Variants in SNAP29 observed in about 807,000 individuals in gnomAD.
SNAP29 encodes the protein synaptosome associated protein 29.
SNAP29 carries 13 observed loss-of-function variants against 27.9 expected under a neutral mutation model. The observed-to-expected ratio is 0.47, with a 90% CI of 0.30 to 0.74. SNAP29 has a LOEUF of 0.74. Ranked by LOEUF, SNAP29 falls within the 30% of genes least tolerant of loss-of-function variation. SNAP29 has a pLI of 0.06. For missense variants in SNAP29, 368 were observed against 336.5 expected (o/e 1.09, Z -0.73); for synonymous variants, 119 against 127.1 (o/e 0.94, Z 0.43).
chr22:20,884,196 G>A (rs1928958827), intron 4 of SNAP29, among the ~76,000 whole-genome samples: 1 of 152,044 alleles, frequency 6.6e-6, no homozygotes, highest in African/African-American at 2.4e-5. Flanking sequence ...AGCCGGGCGT[G>A]GTGGCAGGCG....
chr22:20,870,272 G>A, intron 1 of SNAP29, 65 bp from the exon 2 acceptor site: 1 of 1,478,350 alleles, frequency 6.8e-7, no homozygotes, highest in Non-Finnish European at 9.4e-7. Context: ...GCTCCATGTG[G>A]TCCTTGACTG....
chr22:20,859,317 G>C lies in SNAP29; in HGVS notation c.207G>C (p.Glu69Asp). 1 of 1,613,456 alleles carries C rather than the reference G, an allele frequency of 6.2e-7. No individual in the cohort carries two copies. Residue 69 changes from glutamate (E) to aspartate (D), a missense_variant, in exon 1 of 5, where the codon GAG becomes GAC. By Grantham distance (45) the Glu-to-Asp change is conservative. Transcript: ENST00000215730. ...GCAGGTCCCTGGCCCTCATGTACGA[G>C]TCCGAGAAGGTTGGGGTCGCCTCTT... Reference protein sequence around the residue: ...STSRSLALMYESEKVGVASSE... With the variant: ...STSRSLALMYDSEKVGVASSE...
At chr22:20,882,430 G>C (rs774718644) in intron 3 of SNAP29, among the ~76,000 whole-genome samples, 1 of 152,048 alleles carries the variant, frequency 6.6e-6, no homozygotes, top group Non-Finnish European at 1.5e-5. Context: ...CAATAGCCAG[G>C]TACATTGAAA....
rs753764201 is a variant in SNAP29 at position 20,859,097 on chromosome 22, G to C, written c.-14G>C. ...CCTCCTTCTGTTTCCCAGACCGAGA[G>C]CCGCGCCGGCACCATGTCAGCTTAC... is the stretch of plus-strand genomic sequence containing the variant. On this transcript the variant is annotated 5_prime_UTR_variant, in exon 1 of 5. Transcript: ENST00000215730. The C allele has an allele frequency of 6.3e-7, 1 of 1,588,250 alleles. No individual in the cohort carries two copies. Among genetic ancestry groups the C allele is most frequent in the Non-Finnish European group, 8.6e-7 (1 of 1,161,884 alleles).
chr22:20,874,368 C>CG (rs1928685887), intron 2 of SNAP29, among the ~76,000 whole-genome samples: 1 of 125,530 alleles, frequency 8.0e-6, no homozygotes, highest in African/African-American at 3.0e-5. Context: ...CACACACACA[C>CG]ACACACACAC....
chr22:20,881,550 C>CA (rs5844444), intron 3 of SNAP29, among the ~76,000 whole-genome samples: 9,700 of 152,166 alleles, frequency 0.064, 319 homozygotes, highest in East Asian at 0.079. Context: ...CTACTAAATA[C>CA]AAAAAAATTA....
intron 2 of SNAP29, among the ~76,000 whole-genome samples, chr22:20,873,055 C>T (rs1928636507): frequency 6.6e-6 from 1 of 151,874 alleles, no homozygotes; most frequent in South Asian, 2.1e-4. Flanking sequence ...GTCTCGAACT[C>T]TTGATCTCAG....
chr22:20,879,605 G>A (rs1266369313), intron 2 of SNAP29, among the ~76,000 whole-genome samples: 1 of 151,944 alleles, frequency 6.6e-6, no homozygotes, highest in Admixed American at 6.6e-5. Flanking sequence ...CAGAACTTTG[G>A]GAGGCTAAGG....
intron 1 of SNAP29, among the ~76,000 whole-genome samples, chr22:20,865,713 T>A (rs766375629): frequency 5.9e-5 from 9 of 152,198 alleles, no homozygotes; most frequent in Non-Finnish European, 1.3e-4. Flanking sequence ...AATGAAAAGA[T>A]GCTGATTAAA....
intron 2 of SNAP29, among the ~76,000 whole-genome samples, chr22:20,880,051 A>G (rs893868231): frequency 2.6e-5 from 4 of 151,978 alleles, no homozygotes; most frequent in Admixed American, 6.6e-5. Flanking sequence ...TGAGTACAGT[A>G]TTCTGGTAAT....
chr22:20,859,818 G>A (rs1928200404), intron 1 of SNAP29, among the ~76,000 whole-genome samples: 1 of 152,178 alleles, frequency 6.6e-6, no homozygotes, highest in African/African-American at 2.4e-5. Flanking sequence ...ATCAGGGCAG[G>A]TGGTCCACGA....
intron 1 of SNAP29, among the ~76,000 whole-genome samples, chr22:20,863,306 AC>A (rs1183181846): frequency 3.5e-5 from 4 of 114,600 alleles, no homozygotes; most frequent in Non-Finnish European, 5.5e-5. Context: ...TAATCACCCA[AC>A]TTAGGTGCCT....
rs192171507 is a variant in SNAP29 at position 20,888,450 on chromosome 22, C to G, written c.*614C>G. The G allele has an allele frequency of 2.2e-3, 357 of 164,940 alleles. No individual in the cohort carries two copies. Among genetic ancestry groups the G allele is most frequent in the Middle Eastern group, 6.5e-3 (2 of 308 alleles). The allele number at this position is 164,940 out of a possible 1,614,324, so 10.2% of individuals were successfully genotyped here. ...GTGTGCCATCTTGCTCTTTTGTTGG[C>G]AGATGTCCCCGCTTCCCTCCAGCCC... On this transcript the variant is annotated 3_prime_UTR_variant, in exon 5 of 5. Coordinates refer to ENST00000215730, the MANE Select transcript of SNAP29 (RefSeq NM_004782.4).
intron 1 of SNAP29, among the ~76,000 whole-genome samples, chr22:20,864,404 G>A (rs1263703139): frequency 6.6e-6 from 1 of 152,150 alleles, no homozygotes; most frequent in Non-Finnish European, 1.5e-5. Context: ...TTCAGAGGTG[G>A]GAGAGAGGAG....
In SNAP29 at chr22:20,887,858, A is replaced by C. The variant is rs568585873; in HGVS notation, c.*22A>C. ...CTGAAGACAGACGGATTTCCACTCT[A>C]TTGTGATGAAAAGATTTGAAAGATC... On this transcript the variant is annotated 3_prime_UTR_variant, in exon 5 of 5. Coordinates refer to ENST00000215730, the MANE Select transcript of SNAP29 (RefSeq NM_004782.4). 21 of 1,610,240 alleles carry C rather than the reference A, an allele frequency of 1.3e-5. No individual in the cohort carries two copies. The South Asian group carries it at 2.1e-4, about 16-fold the overall frequency.
rs1929115248 is a variant in SNAP29 at position 20,890,161 on chromosome 22, G to A, written c.*2325G>A. ...CTTCCCCACTCCCATGCCCAGGAAG[G>A]CCTGGTTGCTGATGCTACTTTATAA... On this transcript the variant is annotated 3_prime_UTR_variant, in exon 5 of 5. Transcript: ENST00000215730. 1 of 397,368 alleles carries A rather than the reference G, an allele frequency of 2.5e-6. No individual in the cohort carries two copies. Among genetic ancestry groups the A allele is most frequent in the Non-Finnish European group, 4.4e-6 (1 of 225,622 alleles). The allele number at this position is 397,368 out of a possible 1,614,324, so 24.6% of individuals were successfully genotyped here.
In SNAP29 at chr22:20,871,757, C is replaced by T. The variant is rs372976603; in HGVS notation, c.434+1224C>T. 1.3e-3 allele frequency among the ~76,000 whole-genome samples: 198 copies of T among 152,148 alleles called. 1 individual carries two copies. Among genetic ancestry groups the T allele is most frequent in the South Asian group, 3.1e-3 (15 of 4,820 alleles). ...ATTAGCTGGGCGTGATGGCGGGCGC[C>T]CGTAGTCCCAGCTACTCGGGAGGCT... On this transcript the variant is annotated intron_variant, in intron 2 of 4. Transcript: ENST00000215730.
chr22:20,888,930 G>A lies in SNAP29; in HGVS notation c.*1094G>A, dbSNP rs1207092670. On this transcript the variant is annotated 3_prime_UTR_variant, in exon 5 of 5. Transcript: ENST00000215730. The stretch of plus-strand genomic sequence containing the variant: ...TTGTATAGAAGGATTTTGCTAAGGG[G>A]GCAAAAAGCCCAGATACCATTTTAA... The A allele has an allele frequency of 6.6e-6, 1 of 152,062 alleles. No individual in the cohort carries two copies. Among genetic ancestry groups the A allele is most frequent in the Non-Finnish European group, 1.5e-5 (1 of 68,012 alleles). 9.4% of individuals were successfully genotyped at this position (152,062 alleles called of 1,614,324 possible). A position where few individuals can be genotyped will look rare whatever the true frequency, so the allele number is the denominator to read the frequency against.
At chr22:20,876,255 CTTTT>C (rs539425477) in intron 2 of SNAP29, among the ~76,000 whole-genome samples, 6 of 129,594 alleles carry the variant, frequency 4.6e-5, no homozygotes, top group Admixed American at 8.2e-5. Flanking sequence ...AAAACTTTGC[CTTTT>C]TTTTTTTTTT....
Sources: gnomAD v4.1 joint callset for allele counts (sites outside exome capture counted in the v4.1 genomes callset) on GRCh38, gnomAD v4.1.1 for gene constraint, MANE v1.5 for transcripts, NCBI Gene and HGNC (gene_info 2026-07-23, HGNC 2026-07-21) for gene names.